The following SNRNP40 variants were observed in gnomAD, a reference collection of about 807,000 sequenced individuals.
SNRNP40 encodes the protein small nuclear ribonucleoprotein U5 subunit 40.
In SNRNP40, 21 loss-of-function variants were observed where a neutral mutation model predicts 45.8. The ratio of observed to expected loss-of-function variants is 0.46; its 90% CI spans 0.32 to 0.66. The LOEUF (loss-of-function observed/expected upper bound fraction) is 0.66. Among genes scored for constraint, SNRNP40 ranks in the 30% least tolerant of loss-of-function variants. The pLI is 0.03. For missense variants in SNRNP40, 344 were observed against 439.1 expected, an observed-to-expected ratio of 0.78 and a Z score of 1.94; for synonymous variants, 142 against 163.8, an observed-to-expected ratio of 0.87 and a Z score of 1.01.
intron 5 of SNRNP40, among the ~76,000 whole-genome samples, chr1:31,272,957 A>C: frequency 6.6e-6 from 1 of 152,222 alleles, no homozygotes; most frequent in Admixed American, 6.5e-5. Context: ...TAAGTGAATA[A>C]AACTTTTGCT....
rs748223949 is a variant in SNRNP40 at position 31,283,408 on chromosome 1, G to GC, written c.532-1913dup. Among the ~76,000 whole-genome samples, 13 of 152,326 alleles carry GC rather than the reference G, an allele frequency of 8.5e-5. No homozygotes were observed. In the South Asian group the frequency reaches 1.7e-3, roughly 19 times the overall value. ...ACTTGAGGTCAGGAGTTCAAGACCA[G>GC]CGTGGCTAACATGGTAAAACCTTGT... On this transcript the variant is annotated intron_variant, in intron 4 of 9. Coordinates refer to ENST00000263694, the MANE Select transcript of SNRNP40 (RefSeq NM_004814.3).
intron 8 of SNRNP40, among the ~76,000 whole-genome samples, chr1:31,265,268 G>A (rs1427872346): frequency 1.3e-5 from 2 of 152,032 alleles, no homozygotes; most frequent in African/African-American, 4.8e-5. Flanking sequence ...GGGACTACAG[G>A]TGCACACTAC....
intron 7 of SNRNP40, among the ~76,000 whole-genome samples, chr1:31,268,650 G>A (rs1645916008): frequency 6.6e-6 from 1 of 152,140 alleles, no homozygotes. Flanking sequence ...CAAATTCTCT[G>A]AGGGGAAAAG....
At chr1:31,269,629 T>C in intron 6 of SNRNP40, 1 of 350,936 alleles carries the variant, frequency 2.8e-6, no homozygotes, top group East Asian at 4.4e-5. Context: ...AATGAACTTA[T>C]AAAAGCCAAA....
chr1:31,283,809 A>AT (rs1254070343), intron 4 of SNRNP40, among the ~76,000 whole-genome samples: 1 of 152,244 alleles, frequency 6.6e-6, no homozygotes, highest in Non-Finnish European at 1.5e-5. Flanking sequence ...TTCTCAACAA[A>AT]TTGTGCTAAG....
At chr1:31,277,168 G>C (rs2148385196) in intron 5 of SNRNP40, among the ~76,000 whole-genome samples, 1 of 152,272 alleles carries the variant, frequency 6.6e-6, no homozygotes, top group South Asian at 2.1e-4. Flanking sequence ...CTGCACTCCA[G>C]CCTCGGCAGA....
At chr1:31,286,178 A>ACT (rs959205620) in intron 4 of SNRNP40, among the ~76,000 whole-genome samples, 1 of 151,726 alleles carries the variant, frequency 6.6e-6, no homozygotes, top group South Asian at 2.1e-4. Flanking sequence ...ACACACACAC[A>ACT]CACTCACACA....
chr1:31,267,418 A>G (rs1489497122), intron 8 of SNRNP40, among the ~76,000 whole-genome samples: 1 of 152,064 alleles, frequency 6.6e-6, no homozygotes, highest in African/African-American at 2.4e-5. Context: ...CGGTTTTGAA[A>G]CCCTTCATAC....
chr1:31,270,256 T>C (rs865887508), intron 6 of SNRNP40, among the ~76,000 whole-genome samples: 1 of 152,218 alleles, frequency 6.6e-6, no homozygotes, highest in South Asian at 2.1e-4. Context: ...AATTGTATTA[T>C]GCAGCCACAA....
intron 4 of SNRNP40, chr1:31,282,475 CTATCTATG>C (rs34466606): frequency 0.42 from 41,270 of 99,220 alleles, 6,185 homozygotes; most frequent in African/African-American, 0.47. Flanking sequence ...GGCTATCTAT[CTATCTATG>C]TATCTATCTA....
rs576517873 is a variant in SNRNP40 at position 31,296,704 on chromosome 1, T to C, written c.48A>G (p.Pro16=). 6.2e-7 allele frequency: 1 copy of C among 1,613,784 alleles called. No individual in the cohort carries two copies. The highest frequency in any genetic ancestry group is 2.2e-5 in the East Asian group (1 of 44,832). Residue 16 remains proline, a synonymous_variant, in exon 1 of 10, where the codon CCA becomes CCG. Coordinates refer to ENST00000263694, the MANE Select transcript of SNRNP40 (RefSeq NM_004814.3). The part of the protein sequence containing the change: ...KRKGPELPLV[P]VKRQRHELLL... Reference sequence around the variant, plus strand: ...GCAACTCATGCCGCTGCCGCTTGACTGGAACCAGCGGCAACTCTGGGCCCT... The same window carrying C: ...GCAACTCATGCCGCTGCCGCTTGACCGGAACCAGCGGCAACTCTGGGCCCT...
In SNRNP40 at chr1:31,259,791, CA is replaced by C. The variant is rs745887961; in HGVS notation, c.*280del. ...AAAAAATCCCAACCAACAAATTTGTCACATTGGGCCTGCATTAGAAAACAGG... is the reference window on the plus strand; with the variant it reads ...AAAAAATCCCAACCAACAAATTTGTCCATTGGGCCTGCATTAGAAAACAGG... On this transcript the variant is annotated 3_prime_UTR_variant, in exon 10 of 10. Coordinates refer to ENST00000263694, the MANE Select transcript of SNRNP40 (RefSeq NM_004814.3). 29 of 570,964 alleles carry C rather than the reference CA, an allele frequency of 5.1e-5. No homozygotes were observed. The Admixed American group carries it at 6.3e-4, about 12-fold the overall frequency. 35.4% of individuals were successfully genotyped at this position (570,964 alleles called of 1,614,324 possible). A position where few individuals can be genotyped will look rare whatever the true frequency, so the allele number is the denominator to read the frequency against.
Position 31,267,936 on chromosome 1 carries a change from T to A in SNRNP40, c.859-4A>T. On this transcript the variant is annotated splice_region_variant and splice_polypyrimidine_tract_variant and intron_variant, in intron 7 of 9. Transcript: ENST00000263694. ...ACCAAGAACATCTCAGAAGGTTCTA[T>A]GATAAACAAGAATCCACTGAATAGT... 1 of 1,609,024 alleles carries A rather than the reference T, an allele frequency of 6.2e-7. No homozygotes were observed. Among genetic ancestry groups the A allele is most frequent in the Non-Finnish European group, 8.5e-7 (1 of 1,175,568 alleles).
At chr1:31,261,969 G>C (rs1352964796) in intron 8 of SNRNP40, 1 of 189,046 alleles carries the variant, frequency 5.3e-6, no homozygotes, top group Non-Finnish European at 1.1e-5. Flanking sequence ...AGTATAATTA[G>C]GCTACAGTTA....
intron 3 of SNRNP40, among the ~76,000 whole-genome samples, chr1:31,290,305 G>A (rs1646095042): frequency 6.6e-6 from 1 of 152,130 alleles, no homozygotes; most frequent in African/African-American, 2.4e-5. Context: ...AAATAGCTGG[G>A]ATTATAAGCA....
intron 8 of SNRNP40, among the ~76,000 whole-genome samples, chr1:31,262,518 C>T (rs1489483571): frequency 1.5e-5 from 1 of 65,144 alleles, no homozygotes; most frequent in Non-Finnish European, 2.8e-5. Flanking sequence ...GAGACTCCAT[C>T]TCCAAAAAAA....
At chr1:31,277,033 T>A (rs563311478) in intron 5 of SNRNP40, among the ~76,000 whole-genome samples, 1 of 150,030 alleles carries the variant, frequency 6.7e-6, no homozygotes, top group East Asian at 2.0e-4. Flanking sequence ...AAACTCCGTC[T>A]CAAAAAAAAA....
At position 31,261,550 on chromosome 1, in the gene SNRNP40, A is replaced by G; in HGVS notation, c.1003T>C (p.Phe335Leu). The change falls in exon 9 of 10, where the codon TTC becomes CTC. Residue 335 changes from phenylalanine (F) to leucine (L), a missense_variant. Phe to Leu is a conservative substitution (Grantham distance 22, BLOSUM62 0). Coordinates refer to ENST00000263694, the MANE Select transcript of SNRNP40 (RefSeq NM_004814.3). Reference protein sequence around the residue: ...GHAGSINEVAFHPDEPIIISA... With the variant: ...GHAGSINEVALHPDEPIIISA... ...TTACTGATGGGCTCATCAGGGTGGA[A>G]AGCCACTTCATTGATGGAGCCAGCA... 1 of 1,613,526 alleles carries G rather than the reference A, an allele frequency of 6.2e-7. No individual in the cohort carries two copies. The highest frequency in any genetic ancestry group is 8.5e-7 in the Non-Finnish European group (1 of 1,179,436).
At chr1:31,268,713 C>T (rs1312399725) in intron 7 of SNRNP40, among the ~76,000 whole-genome samples, 1 of 152,184 alleles carries the variant, frequency 6.6e-6, no homozygotes, top group Non-Finnish European at 1.5e-5. Context: ...AAAATTTTCT[C>T]TCTCAGAACT....
Sources: allele counts gnomAD v4.1 joint callset (sites outside exome capture counted in the v4.1 genomes callset), GRCh38; gene constraint gnomAD v4.1.1; transcripts MANE v1.5; gene names NCBI Gene and HGNC (gene_info 2026-07-23, HGNC 2026-07-21).